The following TMEM164 variants were observed in gnomAD, a reference collection of about 807,000 sequenced individuals.
TMEM164 encodes transmembrane protein 164, also known as RP13-360B22.2.
A neutral mutation model predicts 18.8 loss-of-function variants in TMEM164; 4 were observed. The ratio of observed to expected loss-of-function variants is 0.21; its 90% CI spans 0.10 to 0.49. TMEM164 has a LOEUF of 0.49. Ranked by LOEUF, TMEM164 falls within the 20% of genes least tolerant of loss-of-function variation. The pLI, the probability that TMEM164 is intolerant of heterozygous loss-of-function variation, is 0.98. For missense variants in TMEM164, 108 were observed against 239.9 expected (o/e 0.45, Z 3.63); for synonymous variants, 86 against 101.7 (o/e 0.85, Z 0.93).
intron 1 of TMEM164, 29 bp from the exon 2 acceptor site, chrX:110,003,469 CTTT>C (rs66969246): frequency 1.1e-3 from 202 of 190,174 alleles, no homozygotes; most frequent in East Asian, 3.1e-3. Context: ...TTTGAGACCT[CTTT>C]TTTTTTTTTT....
chrX:110,043,501 G>C (rs991105061), intron 2 of TMEM164, among the ~76,000 whole-genome samples: 3 of 111,691 alleles, frequency 2.7e-5, no homozygotes, highest in African/African-American at 9.8e-5. Flanking sequence ...ACTGAATGTT[G>C]ACTACTATAA....
intron 4 of TMEM164, among the ~76,000 whole-genome samples, chrX:110,116,851 TGC>T (rs1215631036): frequency 1.5e-4 from 15 of 98,669 alleles, no homozygotes; most frequent in South Asian, 4.8e-4. Context: ...TGTGTGTGTG[TGC>T]GCGTGTGCGT....
chrX:110,108,068 C>CTGTGTGTGTGTGTGTG lies in TMEM164; in HGVS notation c.441-969_441-954dup, dbSNP rs56714507. 4.7e-3 allele frequency among the ~76,000 whole-genome samples: 216 copies of CTGTGTGTGTGTGTGTG among 46,379 alleles called. 17 individuals carry two copies. Among genetic ancestry groups the CTGTGTGTGTGTGTGTG allele is most frequent in the African/African-American group, 0.015 (164 of 11,242 alleles). The allele number at this position is 46,379 out of a possible 115,157, so 40.3% of individuals were successfully genotyped here. Reference sequence around the variant, plus strand: ...TCCCAGCCAGGGCATAGGAGGTATGCTGTGTGTGTGTGTGTGTGTGTGTGT... The same window carrying CTGTGTGTGTGTGTGTG: ...TCCCAGCCAGGGCATAGGAGGTATGCTGTGTGTGTGTGTGTGTGTGTGTGTGTGTGTGTGTGTGTGT... On this transcript the variant is annotated intron_variant, in intron 3 of 6. Transcript: ENST00000372068.
chrX:110,062,574 A>G (rs1182346485), intron 2 of TMEM164, among the ~76,000 whole-genome samples: 3 of 112,021 alleles, frequency 2.7e-5, no homozygotes, highest in Non-Finnish European at 3.8e-5. Context: ...AATGTGGGCT[A>G]AGGAAATAGT....
At chrX:110,036,982 G>A (rs1278639516) in intron 2 of TMEM164, among the ~76,000 whole-genome samples, 2 of 111,180 alleles carry the variant, frequency 1.8e-5, no homozygotes, top group Non-Finnish European at 3.8e-5. Flanking sequence ...GCAGGATAAT[G>A]TAGAATATTT....
intron 4 of TMEM164, among the ~76,000 whole-genome samples, chrX:110,143,407 C>T (rs965444112): frequency 4.5e-5 from 5 of 110,892 alleles, no homozygotes; most frequent in Non-Finnish European, 9.5e-5. Flanking sequence ...TGCCCAGTGT[C>T]CAATTTCATG....
chrX:110,041,430 G>A (rs1025184623), intron 2 of TMEM164, among the ~76,000 whole-genome samples: 3 of 111,611 alleles, frequency 2.7e-5, no homozygotes, highest in Non-Finnish European at 3.8e-5. Flanking sequence ...TAGATGTGAC[G>A]ATATTTTAGC....
In TMEM164 at chrX:110,003,586, G is replaced by A; in HGVS notation, c.-189G>A. 2.2e-6 allele frequency: 1 copy of A among 465,093 alleles called. No homozygotes were observed. The allele number at this position is 465,093 out of a possible 1,213,427, so 38.3% of individuals were successfully genotyped here. On this transcript the variant is annotated 5_prime_UTR_variant, in exon 2 of 7. Coordinates refer to ENST00000372068, the MANE Select transcript of TMEM164 (RefSeq NM_032227.4). ...CTCCCCCAGACAGCCGTGGGGACAA[G>A]TTAGAGCCAGCACTTTACCCCGGGC...
At chrX:110,156,484 TCCGTGAGGC>T (rs2067017574) in intron 5 of TMEM164, among the ~76,000 whole-genome samples, 1 of 111,029 alleles carries the variant, frequency 9.0e-6, no homozygotes, top group Admixed American at 9.6e-5. Context: ...GCGGGTAAAA[TCCGTGAGGC>T]CCCTGAATTT....
At chrX:110,035,358 A>G (rs1334002464) in intron 2 of TMEM164, among the ~76,000 whole-genome samples, 2 of 110,945 alleles carry the variant, frequency 1.8e-5, no homozygotes, top group East Asian at 5.6e-4. Context: ...TCTATACTGT[A>G]TATTGCCAAT....
intron 2 of TMEM164, among the ~76,000 whole-genome samples, chrX:110,058,465 T>C (rs1333256566): frequency 9.1e-6 from 1 of 109,733 alleles, no homozygotes; most frequent in Non-Finnish European, 1.9e-5. Flanking sequence ...CCTGATTTCA[T>C]TGAGTTGTCC....
In TMEM164 at chrX:110,024,739, G is replaced by A. The variant is rs184701185; in HGVS notation, c.390+20575G>A. ...GTAAAATTTGTGTTCTGTTTTACAA[G>A]AGGGCCTTGGGAGATGATGGTTTCT... On this transcript the variant is annotated intron_variant, in intron 2 of 6. Coordinates refer to ENST00000372068, the MANE Select transcript of TMEM164 (RefSeq NM_032227.4). 5.5e-3 allele frequency among the ~76,000 whole-genome samples: 621 copies of A among 112,033 alleles called. 1 individual carries two copies. Among genetic ancestry groups the A allele is most frequent in the Admixed American group, 8.3e-3 (88 of 10,565 alleles).
At chrX:110,010,153 A>C (rs17320694) in intron 2 of TMEM164, among the ~76,000 whole-genome samples, 5,228 of 112,182 alleles carry the variant, frequency 0.047, 125 homozygotes, top group Non-Finnish European at 0.068. Context: ...TTTTCTCCCA[A>C]TCAGGAAATC....
chrX:110,019,973 G>C (rs942570793), intron 2 of TMEM164, among the ~76,000 whole-genome samples: 1 of 112,082 alleles, frequency 8.9e-6, no homozygotes, highest in Non-Finnish European at 1.9e-5. Flanking sequence ...ATGCTGCACT[G>C]TTAGACAGAA....
At chrX:110,154,307 T>TA (rs1208832452) in intron 5 of TMEM164, among the ~76,000 whole-genome samples, 2 of 112,520 alleles carry the variant, frequency 1.8e-5, no homozygotes, top group African/African-American at 6.5e-5. Flanking sequence ...ATCCTATATA[T>TA]TCTATTTCGT....
intron 4 of TMEM164, among the ~76,000 whole-genome samples, chrX:110,136,316 G>T (rs1434830536): frequency 9.0e-6 from 1 of 111,200 alleles, no homozygotes; most frequent in East Asian, 2.8e-4. Context: ...CTCACAAGTG[G>T]TATTTCGTCC....
intron 2 of TMEM164, among the ~76,000 whole-genome samples, chrX:110,034,964 G>A (rs1356560247): frequency 2.9e-5 from 3 of 102,324 alleles, no homozygotes; most frequent in Non-Finnish European, 5.9e-5. Flanking sequence ...GTAAACTATC[G>A]CAAGAACAAA....
intron 3 of TMEM164, among the ~76,000 whole-genome samples, chrX:110,070,665 G>C (rs748712905): frequency 9.1e-6 from 1 of 110,215 alleles, no homozygotes; most frequent in South Asian, 3.9e-4. Flanking sequence ...TGGGCATACT[G>C]CTTGAGCTCA....
At chrX:110,057,378 A>ATG (rs1935889544) in intron 2 of TMEM164, among the ~76,000 whole-genome samples, 2 of 110,985 alleles carry the variant, frequency 1.8e-5, no homozygotes, top group South Asian at 7.6e-4. Context: ...ATAATATACC[A>ATG]CATTTTCTTT....
Sources: gnomAD v4.1 joint callset for allele counts (sites outside exome capture counted in the v4.1 genomes callset) on GRCh38, gnomAD v4.1.1 for gene constraint, MANE v1.5 for transcripts, NCBI Gene and HGNC (gene_info 2026-07-23, HGNC 2026-07-21) for gene names.